The following MYLK variants were observed in gnomAD, a reference collection of about 807,000 sequenced individuals.
MYLK encodes the protein myosin light chain kinase, smooth muscle.
Under a neutral mutation model 203.4 loss-of-function variants are expected in MYLK, and 106 were observed. The ratio of observed to expected loss-of-function variants is 0.52; its 90% CI spans 0.45 to 0.61. The LOEUF (loss-of-function observed/expected upper bound fraction) is 0.61, where lower values mean the gene tolerates loss of function less well. Ranked by LOEUF, MYLK falls within the 20% of genes least tolerant of loss-of-function variation. The pLI is 0.00. For missense variants in MYLK, 2,072 were observed against 2,442.3 expected (o/e 0.85, Z 3.20); for synonymous variants, 867 against 959.5 (o/e 0.90, Z 1.78).
intron 8 of MYLK, among the ~76,000 whole-genome samples, chr3:123,737,080 G>A (rs1013188884): frequency 6.6e-5 from 10 of 152,124 alleles, no homozygotes; most frequent in African/African-American, 2.2e-4. Flanking sequence ...TCAGCCGGGC[G>A]TGGTGGTGTG....
At chr3:123,643,918 T>G (rs1461093525) in intron 27 of MYLK, among the ~76,000 whole-genome samples, 3 of 152,224 alleles carry the variant, frequency 2.0e-5, no homozygotes, top group African/African-American at 7.2e-5. Flanking sequence ...AACTTCACAT[T>G]GTCTTCAATG....
chr3:123,883,773 C>G (rs1005834450), intron 1 of MYLK, among the ~76,000 whole-genome samples: 4 of 152,298 alleles, frequency 2.6e-5, no homozygotes, highest in Non-Finnish European at 5.9e-5. Flanking sequence ...ATGGCCAGGT[C>G]TGGCACTCGC....
chr3:123,763,360 T>C (rs1052025477), intron 4 of MYLK, among the ~76,000 whole-genome samples: 2 of 152,204 alleles, frequency 1.3e-5, no homozygotes, highest in African/African-American at 2.4e-5. Context: ...GCTTGATGCA[T>C]AGTGGTCCTG....
Position 123,734,152 on chromosome 3 carries a change from C to T in MYLK, c.844G>A (p.Glu282Lys), listed in dbSNP as rs746464484. Residue 282 changes from glutamate to lysine, a missense_variant, in exon 10 of 34, where the codon GAG (glutamate) becomes AAG (lysine). Around this residue, in one of 3 missense-constraint regions of MYLK, gnomAD observed 683 missense variants for 643.8 expected, o/e 1.06. Coordinates refer to ENST00000360304, the MANE Select transcript of MYLK (RefSeq NM_053025.4). ...RKEVTNVISKESKLDSLEAAA... is the reference protein window; with the variant it reads ...RKEVTNVISKKSKLDSLEAAA... The stretch of plus-strand genomic sequence containing the variant: ...GCCTCCAGACTGTCCAGCTTCGACT[C>T]CTTTGAGATTACATTGGTCACCTCT... 5.7e-6 allele frequency: 9 copies of T among 1,567,574 alleles called. No homozygotes were observed. The Admixed American group carries it at 1.7e-4, about 29-fold the overall frequency.
intron 21 of MYLK, 73 bp downstream of exon 21, chr3:123,667,064 G>T: frequency 7.2e-7 from 1 of 1,389,096 alleles, no homozygotes; most frequent in Non-Finnish European, 1.0e-6. Context: ...CCAGGTGTCA[G>T]TCTAGCAAGG....
At position 123,657,440 on chromosome 3, in the gene MYLK, G is replaced by A; in HGVS notation, c.3986-12C>T. The A allele has an allele frequency of 6.2e-7, 1 of 1,612,592 alleles. No individual in the cohort carries two copies. The highest frequency in any genetic ancestry group is 8.5e-7 in the Non-Finnish European group (1 of 1,179,884). ...GGGGTCTGGCTTATCTGGGGATAAA[G>A]AAGCACAACATCACCCACACTTTCC... is the stretch of plus-strand genomic sequence containing the variant. On this transcript the variant is annotated splice_polypyrimidine_tract_variant and intron_variant, in intron 23 of 33. Coordinates refer to ENST00000360304, the MANE Select transcript of MYLK (RefSeq NM_053025.4).
At chr3:123,765,387 C>CG (rs2063670044) in intron 4 of MYLK, among the ~76,000 whole-genome samples, 1 of 151,712 alleles carries the variant, frequency 6.6e-6, no homozygotes, top group African/African-American at 2.4e-5. Context: ...AAAAATTAGC[C>CG]GGGGGTGGTG....
chr3:123,835,412 G>T (rs2066451497), intron 2 of MYLK, among the ~76,000 whole-genome samples: 1 of 152,132 alleles, frequency 6.6e-6, no homozygotes, highest in African/African-American at 2.4e-5. Context: ...ATATGTCTGT[G>T]GCAGGCAACT....
At chr3:123,658,690 G>C (rs2059467403) in intron 23 of MYLK, among the ~76,000 whole-genome samples, 1 of 152,180 alleles carries the variant, frequency 6.6e-6, no homozygotes, top group East Asian at 1.9e-4. Context: ...CAAGCATCAA[G>C]TAAGCAAACA....
intron 13 of MYLK, among the ~76,000 whole-genome samples, chr3:123,719,195 G>A (rs848031): frequency 0.98 from 149,668 of 152,330 alleles, 73,575 homozygotes; most frequent in Middle Eastern, 1. Context: ...CCTTTGGCAC[G>A]GTATCTGCTG....
chr3:123,646,228 A>G (rs557203181), intron 27 of MYLK, among the ~76,000 whole-genome samples: 4 of 152,268 alleles, frequency 2.6e-5, no homozygotes, highest in South Asian at 2.1e-4. Flanking sequence ...AAGAATATAT[A>G]TATGTGTGTG....
At chr3:123,765,461 A>G (rs1434614008) in intron 4 of MYLK, among the ~76,000 whole-genome samples, 1 of 151,756 alleles carries the variant, frequency 6.6e-6, no homozygotes, top group African/African-American at 2.4e-5. Flanking sequence ...AATCCAGGAG[A>G]CAGAGATTGC....
At chr3:123,761,431 T>G (rs967122174) in intron 4 of MYLK, among the ~76,000 whole-genome samples, 10 of 152,150 alleles carry the variant, frequency 6.6e-5, no homozygotes, top group African/African-American at 2.4e-4. Flanking sequence ...AGGTGGCGGC[T>G]CTGAGGGACG....
In MYLK at chr3:123,649,158, T is replaced by C. The variant is rs755914411; in HGVS notation, c.4321+4A>G. 1.2e-6 allele frequency: 2 copies of C among 1,613,376 alleles called. No individual in the cohort carries two copies. Among genetic ancestry groups the C allele is most frequent in the South Asian group, 2.2e-5 (2 of 91,038 alleles). On this transcript the variant is annotated splice_donor_region_variant and intron_variant, in intron 25 of 33. Transcript: ENST00000360304. ...CCTGACCCGAAGACAGGGGCTGCAC[T>C]CACCATCATCTGACACCTCCACTTC...
Position 123,648,907 on chromosome 3 carries a change from C to T in MYLK, c.4415+64G>A, listed in dbSNP as rs929379126. On this transcript the variant is annotated intron_variant, in intron 26 of 33. Transcript: ENST00000360304. This position sits in a 1 kb window ranked among gnomAD's most constrained non-coding sequence, Gnocchi z 4.5. ...GCAACAGGAAGCTGAGGCACTGAAT[C>T]TAACTGTGAGACCCGCACCACCCTC... 3 of 1,408,238 alleles carry T rather than the reference C, an allele frequency of 2.1e-6. No individual in the cohort carries two copies. The African/African-American group carries it at 4.2e-5, about 20-fold the overall frequency. The allele number at this position is 1,408,238 out of a possible 1,614,324, so 87.2% of individuals were successfully genotyped here.
intron 14 of MYLK, 67 bp from the exon 15 acceptor site, chr3:123,708,962 G>A (rs546494872): frequency 2.6e-5 from 35 of 1,352,740 alleles, no homozygotes; most frequent in South Asian, 9.6e-5. Flanking sequence ...GCAACTCTGC[G>A]CTGAATGCAG....
chr3:123,791,512 C>T (rs1376433309), intron 4 of MYLK, among the ~76,000 whole-genome samples: 1 of 152,252 alleles, frequency 6.6e-6, no homozygotes, highest in Non-Finnish European at 1.5e-5. Flanking sequence ...TCTACAGTCT[C>T]TCCCTCTGCA....
At chr3:123,690,986 G>A (rs1247943667) in intron 19 of MYLK, among the ~76,000 whole-genome samples, 2 of 152,112 alleles carry the variant, frequency 1.3e-5, no homozygotes, top group Non-Finnish European at 2.9e-5. Flanking sequence ...ATCCCCAAGT[G>A]TATTCAGTAG....
intron 23 of MYLK, among the ~76,000 whole-genome samples, chr3:123,659,118 C>T (rs1286647406): frequency 6.6e-6 from 1 of 152,200 alleles, no homozygotes; most frequent in Admixed American, 6.5e-5. Flanking sequence ...ATGTTTATTA[C>T]TCTAAACTCT....
Sources: gnomAD v4.1 joint callset for allele counts (sites outside exome capture counted in the v4.1 genomes callset) on GRCh38, gnomAD v4.1.1 for gene constraint, gnomAD v4.1.1 regional missense constraint, Gnocchi (gnomAD v3.1) non-coding constraint, MANE v1.5 for transcripts, NCBI Gene and HGNC (gene_info 2026-07-23, HGNC 2026-07-21) for gene names.